Variants in SOX5 observed in about 807,000 individuals in gnomAD.
SOX5 encodes the protein SRY-box transcription factor 5.
SOX5 carries 9 observed loss-of-function variants against 92.0 expected under a neutral mutation model. The observed-to-expected ratio is 0.10, with a 90% CI of 0.06 to 0.17. The LOEUF (loss-of-function observed/expected upper bound fraction) is 0.17, where lower values mean the gene tolerates loss of function less well. Ranked by LOEUF, SOX5 falls within the 10% of genes least tolerant of loss-of-function variation. The probability of loss-of-function intolerance (pLI) is 1.00; values close to 1 mark genes in which losing one functional copy is unlikely to be tolerated. For synonymous variants in SOX5, 344 were observed against 336.3 expected (o/e 1.02, Z -0.25); for missense variants, 642 against 944.5 (o/e 0.68, Z 4.20).
At chr12:24,289,285 A>AC (rs71060002) in intron 2 of SOX5, among the ~76,000 whole-genome samples, 18,360 of 151,712 alleles carry the variant, frequency 0.12, 1,389 homozygotes, top group Non-Finnish European at 0.17. Flanking sequence ...TGTCTCAAAA[A>AC]AAAAACAAAA....
intron 4 of SOX5, among the ~76,000 whole-genome samples, chr12:24,029,906 T>G (rs1198062897): frequency 6.6e-6 from 1 of 152,048 alleles, no homozygotes; most frequent in Non-Finnish European, 1.5e-5. Context: ...GTTAATATTG[T>G]AAACTAACCA....
chr12:24,497,259 T>C (rs953295029), intron 1 of SOX5, among the ~76,000 whole-genome samples: 7 of 152,294 alleles, frequency 4.6e-5, no homozygotes, highest in Admixed American at 4.6e-4. Flanking sequence ...AATAAATGGC[T>C]ACAAGGGGAA....
In SOX5 at chr12:23,665,819, G is replaced by A. The variant is rs1449290137; in HGVS notation, c.811-255C>T. Among the ~76,000 whole-genome samples, 3 of 152,034 alleles carry A rather than the reference G, an allele frequency of 2.0e-5. No individual in the cohort carries two copies. In the East Asian group the frequency reaches 5.8e-4, roughly 29 times the overall value. On this transcript the variant is annotated intron_variant, in intron 6 of 14. Transcript: ENST00000451604. ...AATAGTTTCCCGAAATGATATCCTT[G>A]GCAGTGACGAAAATATCACTACTTT...
chr12:23,993,598 C>G (rs1440961387), intron 4 of SOX5, among the ~76,000 whole-genome samples: 2 of 152,114 alleles, frequency 1.3e-5, no homozygotes, highest in African/African-American at 2.4e-5. Flanking sequence ...ACATACTCCT[C>G]CATTGTGCCA....
intron 8 of SOX5, among the ~76,000 whole-genome samples, chr12:23,620,484 GC>G (rs1401501353): frequency 3.9e-5 from 6 of 151,904 alleles, no homozygotes; most frequent in Non-Finnish European, 5.9e-5. Context: ...AACATTCTGA[GC>G]CTCATCTTTA....
chr12:23,921,245 T>C (rs538092943), intron 1 of SOX5, among the ~76,000 whole-genome samples: 1 of 152,168 alleles, frequency 6.6e-6, no homozygotes, highest in East Asian at 1.9e-4. Flanking sequence ...ATACGAGCAT[T>C]TTTAAAACCT....
intron 1 of SOX5, among the ~76,000 whole-genome samples, chr12:24,466,103 GAA>G (rs1944206294): frequency 6.6e-6 from 1 of 152,148 alleles, no homozygotes; most frequent in African/African-American, 2.4e-5. Flanking sequence ...ATAAGAAAGA[GAA>G]AGAGGGAGAG....
intron 1 of SOX5, among the ~76,000 whole-genome samples, chr12:24,473,455 A>C (rs924971643): frequency 2.0e-5 from 3 of 152,242 alleles, no homozygotes; most frequent in African/African-American, 7.2e-5. Flanking sequence ...ACCCTTTTAA[A>C]GTACAACACA....
At chr12:24,075,993 C>A (rs1438967815) in intron 4 of SOX5, among the ~76,000 whole-genome samples, 4 of 152,124 alleles carry the variant, frequency 2.6e-5, no homozygotes, top group Non-Finnish European at 5.9e-5. Flanking sequence ...GAGGAGGACA[C>A]TGGGGAGGAA....
At chr12:24,491,317 G>C (rs1375508527) in intron 1 of SOX5, among the ~76,000 whole-genome samples, 1 of 152,064 alleles carries the variant, frequency 6.6e-6, no homozygotes, top group Non-Finnish European at 1.5e-5. Flanking sequence ...AGCTTTCTGG[G>C]AAGGGCTCAA....
At chr12:23,633,455 G>C (rs576112654) in intron 8 of SOX5, among the ~76,000 whole-genome samples, 15 of 152,050 alleles carry the variant, frequency 9.9e-5, no homozygotes, top group Non-Finnish European at 2.1e-4. Flanking sequence ...TGTGTAAATA[G>C]TGATATTCAT....
At chr12:24,278,537 T>TC (rs1291466416) in intron 2 of SOX5, among the ~76,000 whole-genome samples, 1 of 151,968 alleles carries the variant, frequency 6.6e-6, no homozygotes, top group East Asian at 1.9e-4. Context: ...ACACTGAGAC[T>TC]CCAGCTCTAC....
At chr12:24,049,604 A>C (rs1193816207) in intron 4 of SOX5, among the ~76,000 whole-genome samples, 2 of 145,336 alleles carry the variant, frequency 1.4e-5, no homozygotes, top group African/African-American at 5.3e-5. Context: ...ATAATCAGAT[A>C]TCTCATAATG....
At chr12:24,091,610 A>G (rs1944663213) in intron 4 of SOX5, among the ~76,000 whole-genome samples, 1 of 152,004 alleles carries the variant, frequency 6.6e-6, no homozygotes. Flanking sequence ...TTTTGTGAGA[A>G]TACTATTTTA....
At chr12:23,679,206 A>G (rs1342232984) in intron 6 of SOX5, among the ~76,000 whole-genome samples, 1 of 152,184 alleles carries the variant, frequency 6.6e-6, no homozygotes, top group Non-Finnish European at 1.5e-5. Flanking sequence ...GGGTAAATGT[A>G]GACAGCACTT....
chr12:24,373,711 G>T (rs1259747177), intron 1 of SOX5, among the ~76,000 whole-genome samples: 1 of 152,162 alleles, frequency 6.6e-6, no homozygotes, highest in Non-Finnish European at 1.5e-5. Flanking sequence ...AGTAGATATA[G>T]ATTCTTAAAC....
chr12:24,130,858 C>T (rs1420363861), intron 4 of SOX5, among the ~76,000 whole-genome samples: 1 of 152,152 alleles, frequency 6.6e-6, no homozygotes, highest in Non-Finnish European at 1.5e-5. Flanking sequence ...CTGCCAAATG[C>T]CTGTCTTCAA....
chr12:24,159,428 A>G, intron 4 of SOX5, among the ~76,000 whole-genome samples: 1 of 152,000 alleles, frequency 6.6e-6, no homozygotes, highest in East Asian at 1.9e-4. Flanking sequence ...AACAAACTCT[A>G]TTCTAAGAGA....
chr12:23,619,135 T>A (rs963539551), intron 8 of SOX5, among the ~76,000 whole-genome samples: 5 of 152,166 alleles, frequency 3.3e-5, no homozygotes, highest in Non-Finnish European at 7.3e-5. Flanking sequence ...GATTCCGCTC[T>A]TACTTTTTTC....
Sources: gnomAD v4.1 joint callset for allele counts (sites outside exome capture counted in the v4.1 genomes callset) on GRCh38, gnomAD v4.1.1 for gene constraint, MANE v1.5 for transcripts, NCBI Gene and HGNC (gene_info 2026-07-23, HGNC 2026-07-21) for gene names.